HIVEP2: variants seen among roughly 807,000 people sequenced by gnomAD.
The protein encoded by HIVEP2 is transcription factor HIVEP2.
In HIVEP2, 14 loss-of-function variants were observed where a neutral mutation model predicts 180.7. The observed-to-expected ratio is 0.08, with a 90% CI of 0.05 to 0.12. The LOEUF (loss-of-function observed/expected upper bound fraction) is 0.12, where lower values mean the gene tolerates loss of function less well. Ranked by LOEUF, HIVEP2 falls within the 10% of genes least tolerant of loss-of-function variation. The probability of loss-of-function intolerance (pLI) is 1.00; values close to 1 mark genes in which losing one functional copy is unlikely to be tolerated. For missense variants in HIVEP2, 2,579 were observed against 3,008.5 expected, an observed-to-expected ratio of 0.86 and a Z score of 3.34; for synonymous variants, 1,184 against 1,136.4, an observed-to-expected ratio of 1.04 and a Z score of -0.84.
At chr6:142,798,266 C>T (rs1716197534) in intron 2 of HIVEP2, among the ~76,000 whole-genome samples, 2 of 150,776 alleles carry the variant, frequency 1.3e-5, no homozygotes, top group Non-Finnish European at 2.9e-5. Context: ...GAGACTTCGT[C>T]TCAAAAAAAA....
intron 2 of HIVEP2, among the ~76,000 whole-genome samples, chr6:142,804,999 C>CAA (rs1776511656): frequency 6.6e-6 from 1 of 152,120 alleles, no homozygotes; most frequent in South Asian, 2.1e-4. Context: ...AACAAACAAA[C>CAA]AACAAAAAAC....
At chr6:142,834,440 C>CTTAATAA (rs1775173042) in intron 2 of HIVEP2, among the ~76,000 whole-genome samples, 1 of 152,034 alleles carries the variant, frequency 6.6e-6, no homozygotes, top group East Asian at 1.9e-4. Flanking sequence ...TTATGAGAGT[C>CTTAATAA]TTAATAATTT....
chr6:142,888,917 G>A (rs1776778645), intron 1 of HIVEP2, among the ~76,000 whole-genome samples: 3 of 152,140 alleles, frequency 2.0e-5, no homozygotes, highest in East Asian at 1.9e-4. Context: ...AAAATGAGTT[G>A]TAGAAAACAT....
chr6:142,876,106 A>G (rs900612533), intron 1 of HIVEP2, among the ~76,000 whole-genome samples: 3 of 152,194 alleles, frequency 2.0e-5, no homozygotes, highest in African/African-American at 7.2e-5. Flanking sequence ...AGGATCAAGC[A>G]TTTCATTAAA....
chr6:142,759,264 C>A (rs1775157891), intron 9 of HIVEP2, among the ~76,000 whole-genome samples: 1 of 152,012 alleles, frequency 6.6e-6, no homozygotes, highest in Non-Finnish European at 1.5e-5. Context: ...AGTCGTGCCA[C>A]TGCACTCCAG....
At position 142,890,621 on chromosome 6, in the gene HIVEP2, T is replaced by C. The variant is rs188471232; in HGVS notation, c.-640-53574A>G. On this transcript the variant is annotated intron_variant, in intron 1 of 9. Transcript: ENST00000367603. ...CTCTGCCATTAACATTCTATGAGGT[T>C]TGGAAAAATCACCTGACCTCCTATC... is the stretch of plus-strand genomic sequence containing the variant. Among the ~76,000 whole-genome samples, 268 of 152,296 alleles carry C rather than the reference T, an allele frequency of 1.8e-3. 2 individuals are homozygous for C. The highest frequency in any genetic ancestry group is 2.3e-3 in the Non-Finnish European group (159 of 68,020).
chr6:142,774,588 C>G lies in HIVEP2; in HGVS notation c.151G>C (p.Glu51Gln), dbSNP rs1775646762. The change falls in exon 5 of 10, where the codon GAG (glutamate) becomes CAG (glutamine). Residue 51 changes from glutamate to glutamine, a missense_variant. This residue lies in a region of HIVEP2 where 207 missense variants were observed against 210.1 expected (regional missense o/e 0.99). Transcript: ENST00000367603. This position sits in a 1 kb window ranked among gnomAD's most constrained non-coding sequence, Gnocchi z 5.1. ...SHEGQRQPQI[E>Q]PEQIGNTASA... ...GCTGTGTTTCCGATTTGCTCAGGCT[C>G]TATTTGTGGTTGCCGCTGTCCTTCA... The G allele has an allele frequency of 6.2e-7, 1 of 1,614,226 alleles. No homozygotes were observed. The highest frequency in any genetic ancestry group is 1.3e-5 in the African/African-American group (1 of 75,058).
intron 2 of HIVEP2, among the ~76,000 whole-genome samples, chr6:142,795,425 A>G (rs1776257527): frequency 6.6e-6 from 1 of 152,190 alleles, no homozygotes; most frequent in South Asian, 2.1e-4. Context: ...ACAAAAGTAG[A>G]GAAAAATAAG....
intron 2 of HIVEP2, among the ~76,000 whole-genome samples, chr6:142,810,530 G>T (rs1021950798): frequency 6.6e-6 from 1 of 152,024 alleles, no homozygotes; most frequent in African/African-American, 2.4e-5. Flanking sequence ...TGGGAGGCCA[G>T]GGGGGCAAAT....
At chr6:142,761,436 T>C in intron 8 of HIVEP2, 28 bp downstream of exon 8, 1 of 1,112,082 alleles carries the variant, frequency 9.0e-7, no homozygotes, top group Non-Finnish European at 1.4e-6. Flanking sequence ...AATGAAGAGG[T>C]CTGTCAACTC....
chr6:142,804,418 T>G (rs1414092025), intron 2 of HIVEP2, among the ~76,000 whole-genome samples: 4 of 152,122 alleles, frequency 2.6e-5, no homozygotes, highest in Admixed American at 1.3e-4. Context: ...TTCATAACTC[T>G]AGTCCTTTCA....
At position 142,762,974 on chromosome 6, in the gene HIVEP2, G is replaced by C. The variant is rs745552922; in HGVS notation, c.5519-1409C>G. ...CTTAAATCTAGAAAATTAATGAAAT[G>C]TATCTACAAATTAATAAAAATCATC... is the stretch of plus-strand genomic sequence containing the variant. On this transcript the variant is annotated intron_variant, in intron 7 of 9. Coordinates refer to ENST00000367603, the MANE Select transcript of HIVEP2 (RefSeq NM_006734.4). Among the ~76,000 whole-genome samples the C allele has an allele frequency of 2.0e-5, 3 of 152,248 alleles. No homozygotes were observed. In the East Asian group the frequency reaches 5.8e-4, roughly 29 times the overall value.
intron 1 of HIVEP2, among the ~76,000 whole-genome samples, chr6:142,880,204 C>G (rs980601730): frequency 6.6e-6 from 1 of 152,128 alleles, no homozygotes; most frequent in African/African-American, 2.4e-5. Context: ...TGCTCTCTCT[C>G]CAGCAGAGAA....
rs1226073802 is a variant in HIVEP2 at position 142,752,349 on chromosome 6, C to T, written c.*758G>A. ...GCACATTGTTTACTTTAATGCTTTA[C>T]GGTACTATCATTTTAAAATCACAAT... On this transcript the variant is annotated 3_prime_UTR_variant, in exon 10 of 10. Coordinates refer to ENST00000367603, the MANE Select transcript of HIVEP2 (RefSeq NM_006734.4). The T allele has an allele frequency of 3.3e-5, 5 of 152,628 alleles. No individual in the cohort carries two copies. The highest frequency in any genetic ancestry group is 5.9e-5 in the Non-Finnish European group (4 of 68,020). 9.5% of individuals were successfully genotyped at this position (152,628 alleles called of 1,614,324 possible). A position where few individuals can be genotyped will look rare whatever the true frequency, so the allele number is the denominator to read the frequency against.
chr6:142,922,136 A>C lies in HIVEP2; in HGVS notation c.-641+22963T>G, dbSNP rs565887155. Among the ~76,000 whole-genome samples, 6 of 152,096 alleles carry C rather than the reference A, an allele frequency of 3.9e-5. 1 individual carries two copies. In the South Asian group the frequency reaches 1.2e-3, roughly 32 times the overall value. On this transcript the variant is annotated intron_variant, in intron 1 of 9. Coordinates refer to ENST00000367603, the MANE Select transcript of HIVEP2 (RefSeq NM_006734.4). ...TCACAATCTCCCACTTGTCCTTTAAACTTCAGCCATACTAAGCTCTTTAAA... is the reference window on the plus strand; with the variant it reads ...TCACAATCTCCCACTTGTCCTTTAACCTTCAGCCATACTAAGCTCTTTAAA...
intron 2 of HIVEP2, among the ~76,000 whole-genome samples, chr6:142,822,025 G>A (rs1008599523): frequency 3.3e-5 from 5 of 152,204 alleles, no homozygotes; most frequent in Admixed American, 6.5e-5. Context: ...GAAGCCAAAG[G>A]CACTCATTCC....
Position 142,757,075 on chromosome 6 carries a change from T to A in HIVEP2, c.6516+2697A>T, listed in dbSNP as rs559802462. 4.6e-5 allele frequency among the ~76,000 whole-genome samples: 7 copies of A among 152,196 alleles called. No homozygotes were observed. In the South Asian group the frequency reaches 1.4e-3, roughly 31 times the overall value. On this transcript the variant is annotated intron_variant, in intron 9 of 9. Coordinates refer to ENST00000367603, the MANE Select transcript of HIVEP2 (RefSeq NM_006734.4). ...ACACTTAACACAATCTGCATTTGAA[T>A]TCATTCATTTCTTCCCAACCTGTGT...
chr6:142,850,086 T>C (rs1350534265), intron 1 of HIVEP2, among the ~76,000 whole-genome samples: 2 of 152,222 alleles, frequency 1.3e-5, no homozygotes, highest in Non-Finnish European at 2.9e-5. Context: ...TGAAAGCAGG[T>C]GGTCGAAACT....
chr6:142,832,659 A>G (rs1042803893), intron 2 of HIVEP2, among the ~76,000 whole-genome samples: 4 of 152,188 alleles, frequency 2.6e-5, no homozygotes, highest in South Asian at 2.1e-4. Context: ...AAAGATCTCT[A>G]TGTGGGGGAT....
Sources: allele counts gnomAD v4.1 joint callset (sites outside exome capture counted in the v4.1 genomes callset), GRCh38; gene constraint gnomAD v4.1.1; regional missense constraint gnomAD v4.1.1; non-coding constraint Gnocchi (gnomAD v3.1); transcripts MANE v1.5; gene names NCBI Gene and HGNC (gene_info 2026-07-23, HGNC 2026-07-21).